The following TEAD4 variants were observed in gnomAD, a reference collection of about 807,000 sequenced individuals.
TEAD4 encodes transcriptional enhancer factor TEF-3.
In TEAD4, 36 loss-of-function variants were observed where a neutral mutation model predicts 52.4. The ratio of observed to expected loss-of-function variants is 0.69; its 90% CI spans 0.53 to 0.91. TEAD4 has a LOEUF of 0.91. Among genes scored for constraint, TEAD4 ranks in the 40% least tolerant of loss-of-function variants. The probability of loss-of-function intolerance (pLI) is 0.00; values close to 1 mark genes in which losing one functional copy is unlikely to be tolerated. For synonymous variants in TEAD4, 220 were observed against 231.0 expected, an observed-to-expected ratio of 0.95 and a Z score of 0.43; for missense variants, 508 against 583.9, an observed-to-expected ratio of 0.87 and a Z score of 1.34.
At chr12:2,965,381 A>T (rs984907587) in intron 2 of TEAD4, among the ~76,000 whole-genome samples, 8 of 152,000 alleles carry the variant, frequency 5.3e-5, no homozygotes, top group Admixed American at 3.9e-4. Context: ...GCAGAACTCA[A>T]ACTCCTGGGC....
rs571778933 is a variant in TEAD4, at chr12:3,021,992, A to G, written c.872A>G (p.Asn291Ser). ...GATCTCTTCGAACGGGGACCCTCCA[A>G]TGCCTTTTTTCTTGTGAAGTTCTGG... The change falls in exon 10 of 13, where the codon AAT (asparagine) becomes AGT (serine). Residue 291 changes from asparagine to serine, a missense_variant. By Grantham distance (46) the Asn-to-Ser change is conservative (BLOSUM62 1). Coordinates refer to ENST00000359864, the MANE Select transcript of TEAD4 (RefSeq NM_003213.4). 8.1e-6 allele frequency: 13 copies of G among 1,614,150 alleles called. No individual in the cohort carries two copies. The South Asian group carries it at 8.8e-5, about 11-fold the overall frequency.
intron 10 of TEAD4, among the ~76,000 whole-genome samples, chr12:3,024,947 CTT>C (rs201562197): frequency 0.72 from 99,015 of 137,142 alleles, 35,785 homozygotes; most frequent in East Asian, 0.96. Context: ...ACGTGTTATT[CTT>C]TTTTTTTTTT....
At chr12:2,978,061 G>A (rs1172017914) in intron 2 of TEAD4, among the ~76,000 whole-genome samples, 1 of 152,084 alleles carries the variant, frequency 6.6e-6, no homozygotes, top group East Asian at 1.9e-4. Context: ...GTGACCTGGG[G>A]ACTCTCCTGT....
chr12:2,968,997 GC>G (rs66568522), intron 2 of TEAD4, among the ~76,000 whole-genome samples: 93,481 of 152,078 alleles, frequency 0.61, 33,993 homozygotes, highest in Non-Finnish European at 0.81. Context: ...CTTAGAACCT[GC>G]CCAGCATCTG....
intron 2 of TEAD4, among the ~76,000 whole-genome samples, chr12:2,990,902 A>G (rs2098242469): frequency 6.6e-6 from 1 of 152,214 alleles, no homozygotes; most frequent in African/African-American, 2.4e-5. Context: ...CTGAGCAACC[A>G]TTAAAACCCA....
chr12:2,991,571 A>C (rs2098242976), intron 2 of TEAD4, among the ~76,000 whole-genome samples: 1 of 152,120 alleles, frequency 6.6e-6, no homozygotes, highest in South Asian at 2.1e-4. Flanking sequence ...CTGAGGTGGG[A>C]GAATTGCTTG....
intron 2 of TEAD4, among the ~76,000 whole-genome samples, chr12:2,989,637 A>C (rs916976388): frequency 3.3e-5 from 5 of 152,038 alleles, no homozygotes; most frequent in Non-Finnish European, 5.9e-5. Flanking sequence ...CAGGGGTCTC[A>C]CTATGTTGCC....
In TEAD4 at chr12:3,018,643, C is replaced by A. The variant is rs537892409; in HGVS notation, c.527+55C>A. 1.1e-5 allele frequency: 18 copies of A among 1,610,808 alleles called. No individual in the cohort carries two copies. In the South Asian group the frequency reaches 1.9e-4, roughly 17 times the overall value. On this transcript the variant is annotated intron_variant, in intron 7 of 12. Transcript: ENST00000359864. ...GTTGCTCCCTGAACTGAACTTGAACCCATAAACTCATGGCATTAAGCCTGG... is the reference window on the plus strand; with the variant it reads ...GTTGCTCCCTGAACTGAACTTGAACACATAAACTCATGGCATTAAGCCTGG...
intron 2 of TEAD4, among the ~76,000 whole-genome samples, chr12:2,970,527 G>A (rs928899532): frequency 2.0e-5 from 3 of 152,222 alleles, no homozygotes; most frequent in African/African-American, 4.8e-5. Context: ...AAAAACTGTC[G>A]AAGCTGGAAT....
chr12:2,993,897 C>T (rs549078485), intron 2 of TEAD4, among the ~76,000 whole-genome samples: 3 of 152,208 alleles, frequency 2.0e-5, no homozygotes, highest in Admixed American at 6.5e-5. Flanking sequence ...GCACGTGTCC[C>T]GGTTGCCTTC....
rs887582180 is a variant in TEAD4, at chr12:2,959,494, C to G, written c.-123+13C>G. The G allele has an allele frequency of 1.4e-5, 2 of 147,280 alleles. No homozygotes were observed. Among genetic ancestry groups the G allele is most frequent in the African/African-American group, 2.4e-5 (1 of 40,876 alleles). 9.1% of individuals were successfully genotyped at this position (147,280 alleles called of 1,614,324 possible). On this transcript the variant is annotated intron_variant, in intron 1 of 12. Transcript: ENST00000359864. This position sits in a 1 kb window ranked among gnomAD's most constrained non-coding sequence, Gnocchi z 5.1. ...CGCGTCCCGCCAGGTGAGAGGCGCCCGCGCCCGCCGCACCCGCCGGCGCCC... is the reference window on the plus strand; with the variant it reads ...CGCGTCCCGCCAGGTGAGAGGCGCCGGCGCCCGCCGCACCCGCCGGCGCCC...
chr12:3,031,035 GC>G (rs989272711), intron 10 of TEAD4, among the ~76,000 whole-genome samples: 60 of 152,320 alleles, frequency 3.9e-4, no homozygotes, highest in African/African-American at 1.2e-3. Flanking sequence ...CGGCCGAGAG[GC>G]TGGCTTCAGG....
chr12:2,963,913 C>G (rs2098217974), intron 2 of TEAD4, among the ~76,000 whole-genome samples: 1 of 152,220 alleles, frequency 6.6e-6, no homozygotes, highest in Non-Finnish European at 1.5e-5. Flanking sequence ...GGTGGGGACT[C>G]TGCTTCCTTT....
At chr12:3,027,737 C>T (rs748780480) in intron 10 of TEAD4, among the ~76,000 whole-genome samples, 3 of 152,188 alleles carry the variant, frequency 2.0e-5, no homozygotes, top group East Asian at 3.9e-4. Flanking sequence ...CATGGTGGTG[C>T]GTGCCTGTAA....
At chr12:2,981,495 C>T (rs1483262020) in intron 2 of TEAD4, among the ~76,000 whole-genome samples, 1 of 152,180 alleles carries the variant, frequency 6.6e-6, no homozygotes, top group Non-Finnish European at 1.5e-5. Context: ...GAGGGGGCCT[C>T]TCACTGCACC....
Position 2,962,630 on chromosome 12 carries a change from C to T in TEAD4, c.-30+2590C>T, listed in dbSNP as rs190822159. Among the ~76,000 whole-genome samples, 5 of 152,142 alleles carry T rather than the reference C, an allele frequency of 3.3e-5. No homozygotes were observed. In the East Asian group the frequency reaches 9.7e-4, roughly 29 times the overall value. On this transcript the variant is annotated intron_variant, in intron 2 of 12. Coordinates refer to ENST00000359864, the MANE Select transcript of TEAD4 (RefSeq NM_003213.4). ...GATTATAGGCATGAGCCACCACTCC[C>T]AGCCGTTTTTTGTATTTTTAGTAGA...
chr12:3,038,816 G>A (rs544515337), intron 11 of TEAD4, among the ~76,000 whole-genome samples: 44 of 152,156 alleles, frequency 2.9e-4, no homozygotes, highest in Non-Finnish European at 5.1e-4. Context: ...TTCACTGTCC[G>A]TGACACGGTC....
intron 2 of TEAD4, among the ~76,000 whole-genome samples, chr12:2,980,018 CA>C (rs1177168602): frequency 6.6e-6 from 1 of 152,126 alleles, no homozygotes; most frequent in Non-Finnish European, 1.5e-5. Flanking sequence ...CTCCTGTGCT[CA>C]CTGAGAGGCA....
At chr12:2,988,935 G>A (rs1424337087) in intron 2 of TEAD4, among the ~76,000 whole-genome samples, 1 of 152,210 alleles carries the variant, frequency 6.6e-6, no homozygotes, top group Admixed American at 6.5e-5. Flanking sequence ...CTTGCCCTAT[G>A]CGTCTCTATC....
Sources: gnomAD v4.1 joint callset for allele counts (sites outside exome capture counted in the v4.1 genomes callset) on GRCh38, gnomAD v4.1.1 for gene constraint, Gnocchi (gnomAD v3.1) non-coding constraint, MANE v1.5 for transcripts, NCBI Gene and HGNC (gene_info 2026-07-23, HGNC 2026-07-21) for gene names.